Variants in KMT2E observed in about 807,000 individuals in gnomAD.
KMT2E encodes histone reader KMT2E.
KMT2E carries 30 observed loss-of-function variants against 184.6 expected under a neutral mutation model. The ratio of observed to expected loss-of-function variants is 0.16; its 90% CI spans 0.12 to 0.22. The LOEUF is 0.22. Among genes scored for constraint, KMT2E ranks in the 10% least tolerant of loss-of-function variants. KMT2E has a pLI of 1.00. For synonymous variants in KMT2E, 815 were observed against 776.5 expected, an observed-to-expected ratio of 1.05 and a Z score of -0.82; for missense variants, 2,023 against 2,237.4, an observed-to-expected ratio of 0.90 and a Z score of 1.93.
rs529036843 is a variant in KMT2E, at chr7:105,107,079, T to C, written c.2848-87T>C. On this transcript the variant is annotated intron_variant, in intron 20 of 26. Transcript: ENST00000311117. ...AGATCTAAAACTAAAGTCTGTATAT[T>C]TTTCATTTTGTTTTCATTTCTATAA... 42 of 784,648 alleles carry C rather than the reference T, an allele frequency of 5.4e-5. No homozygotes were observed. In the African/African-American group the frequency reaches 6.4e-4, roughly 12 times the overall value. The allele number at this position is 784,648 out of a possible 1,614,324, so 48.6% of individuals were successfully genotyped here. A position where few individuals can be genotyped will look rare whatever the true frequency, so the allele number is the denominator to read the frequency against.
chr7:105,087,241 A>G (rs1337856089), intron 13 of KMT2E, among the ~76,000 whole-genome samples: 7 of 146,776 alleles, frequency 4.8e-5, no homozygotes, highest in Non-Finnish European at 7.4e-5. Context: ...ATATATATAA[A>G]GAGATACCAT....
chr7:105,107,459 C>A lies in KMT2E; in HGVS notation c.3002C>A (p.Thr1001Lys). The A allele has an allele frequency of 6.2e-7, 1 of 1,613,844 alleles. No homozygotes were observed. Among genetic ancestry groups the A allele is most frequent in the Non-Finnish European group, 8.5e-7 (1 of 1,179,898 alleles). Residue 1001 changes from threonine to lysine, a missense_variant, in exon 22 of 27, where the codon ACG becomes AAG. Around this residue, in one of 8 missense-constraint regions of KMT2E, gnomAD observed 1,108 missense variants for 1,050.9 expected, o/e 1.05. Coordinates refer to ENST00000311117, the MANE Select transcript of KMT2E (RefSeq NM_182931.3). The part of the protein sequence containing the change: ...GLQEIKTIGY[T>K]SPRSRTEVNR... ...CAAGAAATAAAGACTATTGGTTATA[C>A]GAGCCCTAGGAGTAGGACTGAAGTC...
intron 15 of KMT2E, among the ~76,000 whole-genome samples, chr7:105,098,226 C>T (rs1798499565): frequency 7.2e-6 from 1 of 139,818 alleles, no homozygotes. Flanking sequence ...TCTGGCTTTC[C>T]TTTTCCTATT....
Position 105,114,636 on chromosome 7 carries a change from A to G in KMT2E, c.*1303A>G, listed in dbSNP as rs1799526258. Reference sequence around the variant, plus strand: ...TAATGATACTGTTTTATCAATCAACATATTTTTCATCATCCAATTACCTGA... The same window carrying G: ...TAATGATACTGTTTTATCAATCAACGTATTTTTCATCATCCAATTACCTGA... On this transcript the variant is annotated 3_prime_UTR_variant, in exon 27 of 27. Coordinates refer to ENST00000311117, the MANE Select transcript of KMT2E (RefSeq NM_182931.3). 6.6e-6 allele frequency among the ~76,000 whole-genome samples: 1 copy of G among 152,232 alleles called. No individual in the cohort carries two copies.
chr7:105,059,604 G>A (rs1329049152), intron 3 of KMT2E, among the ~76,000 whole-genome samples: 3 of 151,762 alleles, frequency 2.0e-5, no homozygotes, highest in Admixed American at 6.6e-5. Context: ...TACCCGTAGG[G>A]GAAATTGTTA....
intron 13 of KMT2E, among the ~76,000 whole-genome samples, chr7:105,087,447 G>A (rs1584779746): frequency 7.3e-6 from 1 of 137,082 alleles, no homozygotes; most frequent in Non-Finnish European, 1.5e-5. Context: ...TTTTTGAGAT[G>A]GAGTCTTGCT....
At chr7:105,097,066 T>C (rs1221531386) in intron 15 of KMT2E, among the ~76,000 whole-genome samples, 5 of 152,214 alleles carry the variant, frequency 3.3e-5, no homozygotes, top group Non-Finnish European at 4.4e-5. Context: ...CAGAGTGTTA[T>C]TCAGTGGAAC....
Position 105,102,127 on chromosome 7 carries a change from AAAT to A in KMT2E, c.2133_2135del (p.Ile712del). On this transcript the variant is annotated inframe_deletion, in exon 17 of 27. Coordinates refer to ENST00000311117, the MANE Select transcript of KMT2E (RefSeq NM_182931.3). Reference sequence around the variant, plus strand: ...CCAGAAACTGAAACTGCACTAGCAGAAATAATTACTGAAACTGAAGTTCCAGCA... The same window carrying A: ...CCAGAAACTGAAACTGCACTAGCAGAAATTACTGAAACTGAAGTTCCAGCA... The A allele has an allele frequency of 1.2e-6, 2 of 1,612,770 alleles. No homozygotes were observed. The highest frequency in any genetic ancestry group is 2.2e-5 in the East Asian group (1 of 44,832).
intron 1 of KMT2E, among the ~76,000 whole-genome samples, chr7:105,029,256 G>A (rs1795301917): frequency 6.6e-6 from 1 of 152,058 alleles, no homozygotes; most frequent in South Asian, 2.1e-4. Context: ...ACTACTTGAA[G>A]GTACCCTTGA....
At chr7:105,044,692 C>T (rs1796023916) in intron 3 of KMT2E, among the ~76,000 whole-genome samples, 1 of 152,222 alleles carries the variant, frequency 6.6e-6, no homozygotes, top group African/African-American at 2.4e-5. Flanking sequence ...CCACTGCACT[C>T]AATCCCATAC....
At chr7:105,054,808 C>G (rs1260001240) in intron 3 of KMT2E, among the ~76,000 whole-genome samples, 2 of 152,144 alleles carry the variant, frequency 1.3e-5, no homozygotes, top group South Asian at 2.1e-4. Context: ...AGCTACCACG[C>G]CCAGCCCGCA....
intron 1 of KMT2E, among the ~76,000 whole-genome samples, chr7:105,016,574 C>T (rs1220045952): frequency 2.0e-5 from 3 of 152,116 alleles, no homozygotes; most frequent in Non-Finnish European, 4.4e-5. Context: ...TGTCAGGTGT[C>T]ATTTAACTGA....
At chr7:105,108,251 T>C (rs1005794838) in intron 22 of KMT2E, among the ~76,000 whole-genome samples, 1 of 152,096 alleles carries the variant, frequency 6.6e-6, no homozygotes, top group African/African-American at 2.4e-5. Context: ...ATTTGTGTTA[T>C]TACCTTTATT....
intron 3 of KMT2E, among the ~76,000 whole-genome samples, chr7:105,041,844 C>G (rs538055031): frequency 7.1e-4 from 108 of 152,178 alleles, no homozygotes; most frequent in African/African-American, 2.5e-3. Context: ...GACACTTAAT[C>G]GACTATGAAG....
At chr7:105,042,014 T>G (rs1355610001) in intron 3 of KMT2E, among the ~76,000 whole-genome samples, 1 of 152,174 alleles carries the variant, frequency 6.6e-6, no homozygotes, top group Non-Finnish European at 1.5e-5. Flanking sequence ...GTTGTTTGTT[T>G]TGTGACAGAG....
At chr7:105,108,456 A>G (rs1799007367) in intron 22 of KMT2E, 1 of 382,918 alleles carries the variant, frequency 2.6e-6, no homozygotes, top group South Asian at 2.0e-5. Context: ...TTATTTCAAA[A>G]GAAACTATAG....
Sources: allele counts gnomAD v4.1 joint callset (sites outside exome capture counted in the v4.1 genomes callset), GRCh38; gene constraint gnomAD v4.1.1; regional missense constraint gnomAD v4.1.1; transcripts MANE v1.5; gene names NCBI Gene and HGNC (gene_info 2026-07-23, HGNC 2026-07-21).